Variants in KSR2 observed in about 807,000 individuals in gnomAD.
The protein encoded by KSR2 is kinase suppressor of ras 2.
KSR2 carries 25 observed loss-of-function variants against 107.8 expected under a neutral mutation model. That is an observed-to-expected ratio of 0.23 (90% CI 0.17 to 0.32). The LOEUF (loss-of-function observed/expected upper bound fraction) is 0.32. KSR2 is among the 10% of genes least tolerant of loss of function. The pLI is 1.00. For missense variants in KSR2, 887 were observed against 1,268.9 expected (o/e 0.70, Z 4.57); for synonymous variants, 480 against 507.0 (o/e 0.95, Z 0.71).
At chr12:117,623,246 T>A (rs1227120811) in intron 5 of KSR2, among the ~76,000 whole-genome samples, 1 of 152,240 alleles carries the variant, frequency 6.6e-6, no homozygotes, top group Non-Finnish European at 1.5e-5. Flanking sequence ...TTTTTAATTA[T>A]TATACTTTAA....
intron 1 of KSR2, among the ~76,000 whole-genome samples, chr12:117,879,138 G>T (rs1038449290): frequency 3.9e-5 from 6 of 152,114 alleles, no homozygotes; most frequent in Non-Finnish European, 7.4e-5. Flanking sequence ...TTAATGGGGT[G>T]CATCTTGAAG....
chr12:117,605,369 A>G lies in KSR2; in HGVS notation c.1172-23010T>C, dbSNP rs143786016. 7.7e-4 allele frequency among the ~76,000 whole-genome samples: 117 copies of G among 151,634 alleles called. 1 individual carries two copies. Among genetic ancestry groups the G allele is most frequent in the African/African-American group, 2.7e-3 (110 of 41,274 alleles). On this transcript the variant is annotated intron_variant, in intron 5 of 19. Coordinates refer to ENST00000339824, the MANE Select transcript of KSR2 (RefSeq NM_173598.6). Reference sequence around the variant, plus strand: ...AGGGAGGATATACTGAGCTAAATTAATTTTGTTCATTACATAATTTTTATT... The same window carrying G: ...AGGGAGGATATACTGAGCTAAATTAGTTTTGTTCATTACATAATTTTTATT...
At chr12:117,516,117 C>G (rs149517017) in intron 14 of KSR2, among the ~76,000 whole-genome samples, 1 of 152,240 alleles carries the variant, frequency 6.6e-6, no homozygotes, top group East Asian at 1.9e-4. Context: ...GTGTTCCGGG[C>G]TTCAGGTGGT....
At chr12:117,476,820 T>C (rs544289467) in intron 16 of KSR2, among the ~76,000 whole-genome samples, 1 of 152,322 alleles carries the variant, frequency 6.6e-6, no homozygotes, top group South Asian at 2.1e-4. Context: ...CCATTGCCTC[T>C]GAGGCACCCA....
At chr12:117,866,289 G>T (rs1232789768) in intron 1 of KSR2, among the ~76,000 whole-genome samples, 1 of 152,058 alleles carries the variant, frequency 6.6e-6, no homozygotes, top group Non-Finnish European at 1.5e-5. Context: ...CTGGACTCAA[G>T]CACTCCTCCT....
intron 5 of KSR2, among the ~76,000 whole-genome samples, chr12:117,608,957 C>T (rs1197611083): frequency 9.2e-5 from 14 of 152,110 alleles, no homozygotes; most frequent in Non-Finnish European, 1.5e-4. Flanking sequence ...AGGTTGTCCA[C>T]AGCTAGGGAG....
intron 19 of KSR2, chr12:117,467,831 T>TA (rs36058871): frequency 0.67 from 255,894 of 383,954 alleles, 65,949 homozygotes; most frequent in African/African-American, 0.81. Flanking sequence ...ATAGGCTGAA[T>TA]AAAAAAAAAA....
At chr12:117,688,894 G>C (rs1213495151) in intron 4 of KSR2, among the ~76,000 whole-genome samples, 1 of 152,110 alleles carries the variant, frequency 6.6e-6, no homozygotes, top group Admixed American at 6.6e-5. Context: ...TCATTTAGCA[G>C]ATCTCCTTCT....
intron 14 of KSR2, among the ~76,000 whole-genome samples, chr12:117,521,979 A>T (rs1353706221): frequency 6.6e-6 from 1 of 152,228 alleles, no homozygotes; most frequent in African/African-American, 2.4e-5. Context: ...ATATGGAATC[A>T]ATGCCACTTC....
At chr12:117,711,607 C>T (rs1171502490) in intron 4 of KSR2, among the ~76,000 whole-genome samples, 4 of 152,144 alleles carry the variant, frequency 2.6e-5, no homozygotes, top group African/African-American at 9.7e-5. Flanking sequence ...ATGTGTATTG[C>T]TATCCTTCCT....
chr12:117,858,316 T>C (rs1196353642), intron 2 of KSR2, among the ~76,000 whole-genome samples: 4 of 152,192 alleles, frequency 2.6e-5, no homozygotes, highest in Non-Finnish European at 5.9e-5. Flanking sequence ...CCCTGAGCCA[T>C]GCAAATACAA....
At chr12:117,826,434 G>A (rs1172591313) in intron 3 of KSR2, among the ~76,000 whole-genome samples, 1 of 152,050 alleles carries the variant, frequency 6.6e-6, no homozygotes, top group East Asian at 1.9e-4. Context: ...AAGCAAGGCA[G>A]GGTCAGGCTA....
chr12:117,678,822 T>A (rs904557613), intron 4 of KSR2, among the ~76,000 whole-genome samples: 2 of 152,136 alleles, frequency 1.3e-5, no homozygotes, highest in African/African-American at 4.8e-5. Context: ...CCTGCTCCCC[T>A]TGTACCAGCT....
rs186794078 is a variant in KSR2 at position 117,535,973 on chromosome 12, T to C, written c.1687+3746A>G. On this transcript the variant is annotated intron_variant, in intron 10 of 19. Transcript: ENST00000339824. ...CACCTTATACTGAGCCATGTCCACATGGCCCCAGGACTCAGGGAAAGGCTG... is the reference window on the plus strand; with the variant it reads ...CACCTTATACTGAGCCATGTCCACACGGCCCCAGGACTCAGGGAAAGGCTG... 7.0e-3 allele frequency among the ~76,000 whole-genome samples: 1,065 copies of C among 152,214 alleles called. 17 individuals carry two copies. The highest frequency in any genetic ancestry group is 0.047 in the South Asian group (224 of 4,812).
Position 117,463,261 on chromosome 12 carries a change from G to C in KSR2, c.*3938C>G, listed in dbSNP as rs375300714. 4.6e-5 allele frequency: 7 copies of C among 152,208 alleles called. No homozygotes were observed. The highest frequency in any genetic ancestry group is 1.7e-4 in the African/African-American group (7 of 41,418). 9.4% of individuals were successfully genotyped at this position (152,208 alleles called of 1,614,324 possible). On this transcript the variant is annotated 3_prime_UTR_variant, in exon 20 of 20. Transcript: ENST00000339824. Reference sequence around the variant, plus strand: ...TCCGGAGGCAGCCCGCTGCATCTTGGGGCAAGCTGGCCTTCTTCCGCTGAA... The same window carrying C: ...TCCGGAGGCAGCCCGCTGCATCTTGCGGCAAGCTGGCCTTCTTCCGCTGAA...
In KSR2 at chr12:117,842,913, C is replaced by T. The variant is rs1239691160; in HGVS notation, c.472+12515G>A. ...TGGAGAGGAAAACATCCTGCCCCTC[C>T]CTCCACCCCTGCCTTAGTGGGGACC... On this transcript the variant is annotated intron_variant, in intron 3 of 19. Coordinates refer to ENST00000339824, the MANE Select transcript of KSR2 (RefSeq NM_173598.6). The surrounding 1 kb of genome is among the most constrained non-coding windows in gnomAD (Gnocchi z 4.2). 6.6e-6 allele frequency among the ~76,000 whole-genome samples: 1 copy of T among 152,132 alleles called. No homozygotes were observed. The highest frequency in any genetic ancestry group is 2.4e-5 in the African/African-American group (1 of 41,420).
chr12:117,713,701 G>A (rs1420600971), intron 4 of KSR2, among the ~76,000 whole-genome samples: 1 of 152,172 alleles, frequency 6.6e-6, no homozygotes, highest in African/African-American at 2.4e-5. Context: ...AGTCCTTCAA[G>A]CCTCCAAAAT....
intron 1 of KSR2, among the ~76,000 whole-genome samples, chr12:117,874,927 G>A (rs1344004907): frequency 1.3e-5 from 2 of 152,128 alleles, no homozygotes; most frequent in Non-Finnish European, 2.9e-5. Context: ...CCCAGGTGTA[G>A]AATGAGGTCC....
intron 1 of KSR2, among the ~76,000 whole-genome samples, chr12:117,878,130 T>C (rs997710279): frequency 2.1e-5 from 2 of 96,158 alleles, no homozygotes; most frequent in Admixed American, 2.1e-4. Flanking sequence ...AAAATAAGAA[T>C]TCAGGCAAAC....
Sources: allele counts gnomAD v4.1 joint callset (sites outside exome capture counted in the v4.1 genomes callset), GRCh38; gene constraint gnomAD v4.1.1; non-coding constraint Gnocchi (gnomAD v3.1); transcripts MANE v1.5; gene names NCBI Gene and HGNC (gene_info 2026-07-23, HGNC 2026-07-21).